The following AUH variants were observed in gnomAD, a reference collection of about 807,000 sequenced individuals.
AUH encodes methylglutaconyl-CoA hydratase, mitochondrial.
A neutral mutation model predicts 42.3 loss-of-function variants in AUH; 29 were observed. That is an observed-to-expected ratio of 0.69 (90% CI 0.51 to 0.93). AUH has a LOEUF of 0.93. Among genes scored for constraint, AUH ranks in the 40% least tolerant of loss-of-function variants. AUH has a pLI of 0.00. For missense variants in AUH, 452 were observed against 438.1 expected (o/e 1.03, Z -0.28); for synonymous variants, 174 against 166.4 (o/e 1.05, Z -0.35).
intron 6 of AUH, 97 bp downstream of exon 6, chr9:91,295,924 C>G (rs140243764): frequency 7.3e-7 from 1 of 1,364,656 alleles, no homozygotes; most frequent in Non-Finnish European, 1.0e-6. Flanking sequence ...TGTCTCTTTA[C>G]GCAAAATGTT....
chr9:91,286,246 T>C (rs966819391), intron 6 of AUH, among the ~76,000 whole-genome samples: 1 of 152,150 alleles, frequency 6.6e-6, no homozygotes, highest in African/African-American at 2.4e-5. Flanking sequence ...GGATTTAAAA[T>C]CGAGTTCCAG....
At chr9:91,306,500 G>T in intron 4 of AUH, 1 of 394,008 alleles carries the variant, frequency 2.5e-6, no homozygotes, top group Non-Finnish European at 3.5e-6. Context: ...CACCATTATT[G>T]CCTTGCTTCA....
chr9:91,283,251 T>A (rs370191965), intron 6 of AUH, among the ~76,000 whole-genome samples: 29 of 151,682 alleles, frequency 1.9e-4, no homozygotes, highest in African/African-American at 6.0e-4. Context: ...GGCCTTTGAC[T>A]AAATTCAACA....
chr9:91,361,000 G>A (rs1473682110), intron 1 of AUH, among the ~76,000 whole-genome samples: 1 of 152,150 alleles, frequency 6.6e-6, no homozygotes, highest in Non-Finnish European at 1.5e-5. Flanking sequence ...GTATTGTATT[G>A]CTAATGATGT....
intron 4 of AUH, chr9:91,306,202 C>T (rs750919884): frequency 1.2e-5 from 3 of 252,440 alleles, no homozygotes; most frequent in Non-Finnish European, 1.9e-5. Context: ...AAAGGGCCAA[C>T]CCCAGAATAT....
chr9:91,240,645 G>A (rs948470594), intron 6 of AUH, among the ~76,000 whole-genome samples: 18 of 151,898 alleles, frequency 1.2e-4, no homozygotes, highest in African/African-American at 4.1e-4. Context: ...TGACTAGTAT[G>A]GCTCAAGTTT....
intron 4 of AUH, among the ~76,000 whole-genome samples, chr9:91,306,825 G>A (rs999201135): frequency 4.6e-5 from 7 of 152,150 alleles, no homozygotes; most frequent in African/African-American, 1.2e-4. Flanking sequence ...ATCCATAAAC[G>A]TAAGGGTAGT....
chr9:91,360,274 C>G (rs528345819), intron 1 of AUH: 2 of 152,334 alleles, frequency 1.3e-5, no homozygotes, highest in Non-Finnish European at 2.9e-5. Flanking sequence ...CATGACTAAG[C>G]TTACCCAAAA....
At chr9:91,289,526 C>T (rs757271649) in intron 6 of AUH, among the ~76,000 whole-genome samples, 3 of 152,008 alleles carry the variant, frequency 2.0e-5, no homozygotes, top group Non-Finnish European at 4.4e-5. Context: ...TTTCTTTTAA[C>T]CAAAAGAGAT....
At position 91,214,362 on chromosome 9, in the gene AUH, A is replaced by G; in HGVS notation, c.1006T>C (p.Tyr336His). The G allele has an allele frequency of 6.2e-7, 1 of 1,609,664 alleles. No individual in the cohort carries two copies. Among genetic ancestry groups the G allele is most frequent in the Non-Finnish European group, 8.5e-7 (1 of 1,177,690 alleles). Residue 336 changes from tyrosine to histidine, a missense_variant, in exon 10 of 10, where the codon TAT becomes CAT. By Grantham distance (83) the Tyr-to-His change is moderately conservative (BLOSUM62 2). Coordinates refer to ENST00000375731, the MANE Select transcript of AUH (RefSeq NM_001698.3). The part of the protein sequence containing the change: ...LAFKEKRPPR[Y>H]KGE ...TTCTGTTCCTTTTATTCTCCTTTAT[A>G]GCGAGGGGGCCTTTTCTCTTTAAAA...
intron 6 of AUH, among the ~76,000 whole-genome samples, chr9:91,224,070 T>C (rs1293354590): frequency 6.6e-6 from 1 of 152,184 alleles, no homozygotes; most frequent in East Asian, 1.9e-4. Flanking sequence ...TGAGCTCCCA[T>C]CTCAGCAGCA....
At position 91,359,965 on chromosome 9, in the gene AUH, T is replaced by C. The variant is rs911252578; in HGVS notation, c.262+1663A>G. Among the ~76,000 whole-genome samples the C allele has an allele frequency of 7.9e-5, 12 of 151,238 alleles. No individual in the cohort carries two copies. In the East Asian group the frequency reaches 2.1e-3, roughly 27 times the overall value. On this transcript the variant is annotated intron_variant, in intron 1 of 9. Coordinates refer to ENST00000375731, the MANE Select transcript of AUH (RefSeq NM_001698.3). ...TTCTCAAAGGAGGCGGGGTCAACTT[T>C]AAGAAACCATGATGTATGTCCTATC...
chr9:91,247,713 G>T (rs1828877223), intron 6 of AUH, among the ~76,000 whole-genome samples: 1 of 152,120 alleles, frequency 6.6e-6, no homozygotes. Flanking sequence ...CATTCTATAG[G>T]TGTTCAGTAT....
At chr9:91,273,863 T>C (rs1825349377) in intron 6 of AUH, among the ~76,000 whole-genome samples, 1 of 152,236 alleles carries the variant, frequency 6.6e-6, no homozygotes, top group Non-Finnish European at 1.5e-5. Flanking sequence ...ACTTTAATTC[T>C]GCACAGCCAT....
At chr9:91,282,668 A>G (rs893648209) in intron 6 of AUH, among the ~76,000 whole-genome samples, 2 of 152,210 alleles carry the variant, frequency 1.3e-5, no homozygotes, top group African/African-American at 2.4e-5. Flanking sequence ...CTACCATCAG[A>G]GAATACTATA....
chr9:91,287,001 A>G (rs563156900), intron 6 of AUH, among the ~76,000 whole-genome samples: 57 of 152,148 alleles, frequency 3.7e-4, no homozygotes, highest in African/African-American at 1.3e-3. Flanking sequence ...AGCTTAATTT[A>G]ATCACTTCAC....
At chr9:91,348,150 C>G (rs1831679744) in intron 3 of AUH, among the ~76,000 whole-genome samples, 1 of 150,508 alleles carries the variant, frequency 6.6e-6, no homozygotes, top group South Asian at 2.1e-4. Flanking sequence ...TTCAAATAAA[C>G]AAGTCATCAA....
intron 6 of AUH, among the ~76,000 whole-genome samples, chr9:91,287,523 T>C (rs544808177): frequency 6.6e-6 from 1 of 152,286 alleles, no homozygotes; most frequent in Non-Finnish European, 1.5e-5. Context: ...GGTACAGTTC[T>C]ATAACATGTT....
chr9:91,245,660 A>G (rs1828753094), intron 6 of AUH, among the ~76,000 whole-genome samples: 1 of 152,164 alleles, frequency 6.6e-6, no homozygotes, highest in African/African-American at 2.4e-5. Flanking sequence ...ATAGAAGCAA[A>G]CGGGTGCCAA....
Sources: gnomAD v4.1 joint callset for allele counts (sites outside exome capture counted in the v4.1 genomes callset) on GRCh38, gnomAD v4.1.1 for gene constraint, MANE v1.5 for transcripts, NCBI Gene and HGNC (gene_info 2026-07-23, HGNC 2026-07-21) for gene names.